The following TRPM7 variants were observed in gnomAD, a reference collection of about 807,000 sequenced individuals.
TRPM7 encodes the protein LTRPC ion channel family member 7.
A neutral mutation model predicts 229.7 loss-of-function variants in TRPM7; 134 were observed. The observed-to-expected ratio is 0.58, with a 90% CI of 0.51 to 0.67. TRPM7 has a LOEUF of 0.67. TRPM7 is among the 30% of genes least tolerant of loss of function. The pLI, the probability that TRPM7 is intolerant of heterozygous loss-of-function variation, is 0.00. For synonymous variants in TRPM7, 699 were observed against 715.2 expected, an observed-to-expected ratio of 0.98 and a Z score of 0.36; for missense variants, 1,901 against 2,210.0, an observed-to-expected ratio of 0.86 and a Z score of 2.80.
intron 21 of TRPM7, among the ~76,000 whole-genome samples, chr15:50,600,367 G>A (rs1596150701): frequency 4.0e-5 from 6 of 151,890 alleles, no homozygotes; most frequent in Admixed American, 3.3e-4. Context: ...AACCCAGGAG[G>A]CGGAGGCTGC....
At position 50,657,810 on chromosome 15, in the gene TRPM7, T is replaced by C; in HGVS notation, c.93A>G (p.Pro31=). 1 of 1,611,834 alleles carries C rather than the reference T, an allele frequency of 6.2e-7. No homozygotes were observed. The highest frequency in any genetic ancestry group is 8.5e-7 in the Non-Finnish European group (1 of 1,178,514). ...PSSKDPHRCL[P]GCQICQQLVR... ...CGAGTTGCTGACAAATTTGACATCCTGGAAGGCATCTATTGAACACAAAAA... is the reference window on the plus strand; with the variant it reads ...CGAGTTGCTGACAAATTTGACATCCCGGAAGGCATCTATTGAACACAAAAA... Residue 31 remains proline, a synonymous_variant, in exon 3 of 39, where the codon CCA becomes CCG. Transcript: ENST00000646667.
In TRPM7 at chr15:50,560,675, C is replaced by CATAATG. The variant is rs986055514; in HGVS notation, c.*997_*1002dup. ...GTTGCACTGCAATCTGCCAGTATCA[C>CATAATG]ATAATGATAATCCAACTGAATTAAT... On this transcript the variant is annotated 3_prime_UTR_variant, in exon 39 of 39. Transcript: ENST00000646667. 1.3e-5 allele frequency: 2 copies of CATAATG among 152,614 alleles called. No individual in the cohort carries two copies. Among genetic ancestry groups the CATAATG allele is most frequent in the Non-Finnish European group, 2.9e-5 (2 of 68,040 alleles). The allele number at this position is 152,614 out of a possible 1,614,324, so 9.5% of individuals were successfully genotyped here. A position where few individuals can be genotyped will look rare whatever the true frequency, so the allele number is the denominator to read the frequency against.
intron 5 of TRPM7, among the ~76,000 whole-genome samples, chr15:50,641,101 T>C (rs2061088822): frequency 6.6e-6 from 1 of 152,188 alleles, no homozygotes; most frequent in Non-Finnish European, 1.5e-5. Flanking sequence ...CGTAGGTCTT[T>C]CAACTGCTGC....
chr15:50,639,052 A>G (rs1596278301), intron 6 of TRPM7, among the ~76,000 whole-genome samples: 2 of 152,224 alleles, frequency 1.3e-5, no homozygotes, highest in African/African-American at 2.4e-5. Flanking sequence ...CAAACAAAAC[A>G]CTAGCATTTA....
intron 3 of TRPM7, among the ~76,000 whole-genome samples, chr15:50,656,001 GAAAAAAACAAAAA>G (rs2061556624): frequency 1.1e-5 from 1 of 93,870 alleles, no homozygotes; most frequent in Admixed American, 1.2e-4. Flanking sequence ...CTCAAAAAAA[GAAAAAAACAAAAA>G]AAAAAAACCC....
At chr15:50,671,821 A>G (rs1312784764) in intron 1 of TRPM7, among the ~76,000 whole-genome samples, 3 of 152,034 alleles carry the variant, frequency 2.0e-5, no homozygotes. Context: ...AAAAATTCCT[A>G]TGGCCTACTA....
At chr15:50,666,184 T>C (rs2061875103) in intron 1 of TRPM7, among the ~76,000 whole-genome samples, 1 of 152,010 alleles carries the variant, frequency 6.6e-6, no homozygotes, top group Admixed American at 6.6e-5. Context: ...TTGGTAAACC[T>C]TTATCAAGAC....
Position 50,611,296 on chromosome 15 carries a change from A to G in TRPM7, c.2077T>C (p.Leu693=). The G allele has an allele frequency of 6.2e-7, 1 of 1,613,646 alleles. No homozygotes were observed. Among genetic ancestry groups the G allele is most frequent in the Non-Finnish European group, 8.5e-7 (1 of 1,179,798 alleles). The change falls in exon 17 of 39, where the codon TTA becomes CTA. Residue 693 remains leucine (L), a synonymous_variant. Coordinates refer to ENST00000646667, the MANE Select transcript of TRPM7 (RefSeq NM_017672.6). ...SNDFGQLAVE[L]LEQSFRQDET... ...TCTTGTCTGAAGGACTGTTCTAATA[A>G]TTCAACGGCCAACTGACCAAAATCA...
chr15:50,626,773 T>A (rs1286873144), intron 11 of TRPM7, among the ~76,000 whole-genome samples: 1 of 150,336 alleles, frequency 6.7e-6, no homozygotes, highest in Non-Finnish European at 1.5e-5. Context: ...TTTTTATTGC[T>A]ATATAGGAAA....
intron 25 of TRPM7, 105 bp downstream of exon 25, chr15:50,593,512 G>A: frequency 8.3e-7 from 1 of 1,210,320 alleles, no homozygotes; most frequent in South Asian, 1.3e-5. Context: ...CTGTAACTAT[G>A]CTTATTGTTT....
Position 50,568,480 on chromosome 15 carries a change from AAAAC to A in TRPM7, c.5467+1403_5467+1406del, listed in dbSNP as rs2053718904. Among the ~76,000 whole-genome samples the A allele has an allele frequency of 5.9e-5, 9 of 152,306 alleles. No homozygotes were observed. In the South Asian group the frequency reaches 1.9e-3, roughly 32 times the overall value. On this transcript the variant is annotated intron_variant, in intron 38 of 38. Transcript: ENST00000646667. ...CATTTCTGTATACCAGCAATAATAA[AAAAC>A]AAATTTTAAAAACTAGTACCATTTA...
Position 50,609,618 on chromosome 15 carries a change from A to T in TRPM7, c.2543T>A (p.Phe848Tyr). The T allele has an allele frequency of 6.2e-7, 1 of 1,611,852 alleles. No individual in the cohort carries two copies. The highest frequency in any genetic ancestry group is 8.5e-7 in the Non-Finnish European group (1 of 1,179,230). The part of the protein sequence containing the change: ...KLPITRKFYA[F>Y]YHAPIVKFWF... ...GAATTTTACAATTGGTGCATGATAA[A>T]AGGCATAAAACTTTCGCGTAATTGG... Residue 848 changes from phenylalanine to tyrosine, a missense_variant, in exon 19 of 39, where the codon TTT (phenylalanine) becomes TAT (tyrosine). This residue lies in a region of TRPM7 where 207 missense variants were observed against 241.5 expected (regional missense o/e 0.86). Coordinates refer to ENST00000646667, the MANE Select transcript of TRPM7 (RefSeq NM_017672.6).
intron 4 of TRPM7, 109 bp from the exon 5 acceptor site, chr15:50,643,662 A>T (rs2061172987): frequency 1.4e-6 from 1 of 730,764 alleles, no homozygotes; most frequent in Non-Finnish European, 2.2e-6. Context: ...ATGTAAAAAG[A>T]GATTTCATAG....
At chr15:50,646,119 A>AC (rs2061256900) in intron 4 of TRPM7, among the ~76,000 whole-genome samples, 1 of 152,078 alleles carries the variant, frequency 6.6e-6, no homozygotes, top group East Asian at 1.9e-4. Context: ...TCAAAAAAAA[A>AC]AAAAAAAGAC....
chr15:50,611,069 T>C (rs751930719), intron 17 of TRPM7, 24 bp downstream of exon 17: 1 of 1,541,588 alleles, frequency 6.5e-7, no homozygotes, highest in Admixed American at 1.7e-5. Flanking sequence ...ACATGCTTTA[T>C]ATCAAATTAT....
chr15:50,591,915 A>C lies in TRPM7; in HGVS notation c.4320T>G (p.Phe1440Leu). The change falls in exon 26 of 39, where the codon TTT becomes TTG. Residue 1440 changes from phenylalanine to leucine, a missense_variant. Transcript: ENST00000646667. ...TEGDNTEFGAFVGHRDSMDLQ... is the reference protein window; with the variant it reads ...TEGDNTEFGALVGHRDSMDLQ... ...ATACGAATTTGCCAAACTTACCTAC[A>C]AATGCTCCAAATTCTGTATTATCTC... 1.9e-6 allele frequency: 3 copies of C among 1,548,410 alleles called. No homozygotes were observed. The highest frequency in any genetic ancestry group is 2.6e-6 in the Non-Finnish European group (3 of 1,153,400).
In TRPM7 at chr15:50,686,547, C is replaced by A; in HGVS notation, c.-14G>T. Reference sequence around the variant, plus strand: ...GTCCAGTACCATTCTCCTCACGGGGCGGACTCCGGAAGGGCAGCAACTCCA... The same window carrying A: ...GTCCAGTACCATTCTCCTCACGGGGAGGACTCCGGAAGGGCAGCAACTCCA... On this transcript the variant is annotated 5_prime_UTR_variant, in exon 1 of 39. Transcript: ENST00000646667. 1.2e-6 allele frequency: 2 copies of A among 1,610,084 alleles called. No homozygotes were observed. The highest frequency in any genetic ancestry group is 1.1e-5 in the South Asian group (1 of 90,958).
intron 6 of TRPM7, 103 bp downstream of exon 6, chr15:50,639,321 A>G: frequency 4.0e-6 from 4 of 996,902 alleles, no homozygotes; most frequent in Non-Finnish European, 5.2e-6. Flanking sequence ...ACTTAATTTG[A>G]AAAGTATAAT....
Position 50,658,367 on chromosome 15 carries a change from G to A in TRPM7, c.84-548C>T, listed in dbSNP as rs554502603. ...ACAGGTGAATTGCTTGAGTCCAGGA[G>A]TTTAAGATCAGCCTGGGCAACAAAG... On this transcript the variant is annotated intron_variant, in intron 2 of 38. Transcript: ENST00000646667. 4.0e-5 allele frequency among the ~76,000 whole-genome samples: 6 copies of A among 151,832 alleles called. No homozygotes were observed. In the South Asian group the frequency reaches 1.0e-3, roughly 26 times the overall value.
Sources: allele counts gnomAD v4.1 joint callset (sites outside exome capture counted in the v4.1 genomes callset), GRCh38; gene constraint gnomAD v4.1.1; regional missense constraint gnomAD v4.1.1; transcripts MANE v1.5; gene names NCBI Gene and HGNC (gene_info 2026-07-23, HGNC 2026-07-21).